Variants in RABGAP1L observed in about 807,000 individuals in gnomAD.
RABGAP1L encodes the protein rab GTPase-activating protein 1-like.
A neutral mutation model predicts 137.7 loss-of-function variants in RABGAP1L; 63 were observed. The ratio of observed to expected loss-of-function variants is 0.46; its 90% CI spans 0.37 to 0.56. RABGAP1L has a LOEUF of 0.56. Among genes scored for constraint, RABGAP1L ranks in the 20% least tolerant of loss-of-function variants. The probability of loss-of-function intolerance (pLI) is 0.00; values close to 1 mark genes in which losing one functional copy is unlikely to be tolerated. For missense variants in RABGAP1L, 1,095 were observed against 1,244.0 expected (o/e 0.88, Z 1.80); for synonymous variants, 431 against 433.7 (o/e 0.99, Z 0.08).
chr1:174,770,600 A>G (rs868160231), intron 18 of RABGAP1L, among the ~76,000 whole-genome samples: 2 of 152,230 alleles, frequency 1.3e-5, no homozygotes, highest in African/African-American at 4.8e-5. Context: ...ACAGAGAACA[A>G]ACAGAACAAA....
chr1:174,707,535 G>T (rs1680147447), intron 17 of RABGAP1L, among the ~76,000 whole-genome samples: 1 of 152,174 alleles, frequency 6.6e-6, no homozygotes, highest in South Asian at 2.1e-4. Flanking sequence ...TTCCTAGACA[G>T]CCTTGTTCAA....
intron 14 of RABGAP1L, among the ~76,000 whole-genome samples, chr1:174,677,160 A>AAAAAAAAAAAAAG (rs1343043853): frequency 3.9e-5 from 2 of 50,900 alleles, no homozygotes; most frequent in African/African-American, 4.3e-4. Context: ...CATCTCTACC[A>AAAAAAAAAAAAAG]AAAAAAAAAA....
In RABGAP1L at chr1:174,534,132, C is replaced by CTGTGTGTG. The variant is rs35255973; in HGVS notation, c.1711-103199_1711-103192dup. Among the ~76,000 whole-genome samples the CTGTGTGTG allele has an allele frequency of 4.4e-3, 584 of 132,604 alleles. 3 individuals are homozygous for CTGTGTGTG. Among genetic ancestry groups the CTGTGTGTG allele is most frequent in the East Asian group, 0.01 (46 of 4,406 alleles). The allele number at this position is 132,604 out of a possible 152,430, so 87.0% of individuals were successfully genotyped here. ...CTCCTGCATTGTTCAGAGGTCAACT[C>CTGTGTGTG]TGTGTGTGTGTGTGTGTGTGTGTGT... On this transcript the variant is annotated intron_variant, in intron 13 of 25. Transcript: ENST00000681986.
chr1:174,330,717 A>G (rs904240929), intron 11 of RABGAP1L, among the ~76,000 whole-genome samples: 7 of 152,222 alleles, frequency 4.6e-5, no homozygotes, highest in Admixed American at 1.3e-4. Flanking sequence ...AAGATATATC[A>G]TGTTCATGGA....
intron 18 of RABGAP1L, among the ~76,000 whole-genome samples, chr1:174,797,799 C>A (rs1461165525): frequency 6.6e-6 from 1 of 151,850 alleles, no homozygotes; most frequent in African/African-American, 2.4e-5. Flanking sequence ...TATGGCCTCC[C>A]TCTTCCAGCT....
intron 13 of RABGAP1L, among the ~76,000 whole-genome samples, chr1:174,473,303 G>A (rs1571961121): frequency 6.6e-6 from 1 of 152,316 alleles, no homozygotes; most frequent in South Asian, 2.1e-4. Flanking sequence ...CCTTGCTGGT[G>A]TGCAGAATTC....
At chr1:174,662,269 A>G (rs1676442287) in intron 14 of RABGAP1L, among the ~76,000 whole-genome samples, 1 of 151,748 alleles carries the variant, frequency 6.6e-6, no homozygotes, top group East Asian at 1.9e-4. Flanking sequence ...ACGCCCAACT[A>G]ATTTTTGTAT....
At position 174,221,067 on chromosome 1, in the gene RABGAP1L, A is replaced by G. The variant is rs17854182; in HGVS notation, c.234A>G (p.Gln78=). Residue 78 remains glutamine (Q), a synonymous_variant, in exon 3 of 26, where the codon CAA becomes CAG. Coordinates refer to ENST00000681986, the MANE Select transcript of RABGAP1L (RefSeq NM_001366446.1). ...KRPSSLLVDC[Q]SSSEISDHSF... is the part of the protein sequence containing the mutation. ...CAAGCAGTCTTCTTGTTGATTGTCA[A>G]AGTTCCAGTGAGATTTCAGACCATT... The G allele has an allele frequency of 1.7e-3, 2,709 of 1,613,930 alleles. 4 individuals carry two copies. The highest frequency in any genetic ancestry group is 2.1e-3 in the Non-Finnish European group (2,441 of 1,179,914).
chr1:174,720,213 T>A (rs1013457095), intron 17 of RABGAP1L, among the ~76,000 whole-genome samples: 1 of 151,870 alleles, frequency 6.6e-6, no homozygotes, highest in African/African-American at 2.4e-5. Context: ...TCAACAAATG[T>A]TGCTGAGGTA....
chr1:174,197,821 G>A (rs1558024121), intron 1 of RABGAP1L, among the ~76,000 whole-genome samples: 1 of 151,888 alleles, frequency 6.6e-6, no homozygotes, highest in African/African-American at 2.4e-5. Context: ...ATCTGTTATG[G>A]TGTGTGTTAT....
chr1:174,338,741 A>G (rs1456586671), intron 11 of RABGAP1L, among the ~76,000 whole-genome samples: 2 of 152,088 alleles, frequency 1.3e-5, no homozygotes, highest in East Asian at 3.8e-4. Context: ...GGAAAAGTGT[A>G]ATATTGTACA....
intron 11 of RABGAP1L, among the ~76,000 whole-genome samples, chr1:174,368,659 T>C (rs1684848621): frequency 6.6e-6 from 1 of 152,042 alleles, no homozygotes; most frequent in South Asian, 2.1e-4. Flanking sequence ...TTCTATTGAT[T>C]AGTAAGATTG....
chr1:174,571,005 T>C (rs1667935036), intron 13 of RABGAP1L, among the ~76,000 whole-genome samples: 1 of 152,152 alleles, frequency 6.6e-6, no homozygotes, highest in Admixed American at 6.5e-5. Context: ...ATAGCTAAGA[T>C]TTAGAAGCAA....
chr1:174,305,749 A>G (rs1376963619), intron 11 of RABGAP1L, among the ~76,000 whole-genome samples: 2 of 149,244 alleles, frequency 1.3e-5, no homozygotes, highest in African/African-American at 2.5e-5. Context: ...TATTTTTTCT[A>G]TTTTATTCTT....
At chr1:174,673,526 G>A (rs994311444) in intron 14 of RABGAP1L, among the ~76,000 whole-genome samples, 7 of 152,064 alleles carry the variant, frequency 4.6e-5, no homozygotes, top group South Asian at 2.1e-4. Context: ...GTTGAGTAAC[G>A]AATTTGATTA....
chr1:174,623,999 A>G (rs941174375), intron 13 of RABGAP1L, among the ~76,000 whole-genome samples: 5 of 152,268 alleles, frequency 3.3e-5, no homozygotes, highest in African/African-American at 9.6e-5. Context: ...TTCAGAGACT[A>G]TGACAGATGA....
At chr1:174,755,882 A>G (rs1691945419) in intron 18 of RABGAP1L, among the ~76,000 whole-genome samples, 1 of 152,204 alleles carries the variant, frequency 6.6e-6, no homozygotes, top group South Asian at 2.1e-4. Context: ...GTCACTAAAC[A>G]CATGTAAGGG....
chr1:174,769,439 T>C (rs1009586445), intron 18 of RABGAP1L, among the ~76,000 whole-genome samples: 47 of 152,022 alleles, frequency 3.1e-4, no homozygotes, highest in African/African-American at 1.1e-3. Context: ...ACAGGAGTAA[T>C]TGGGAAAGTT....
At chr1:174,955,451 A>G (rs1180311206) in intron 19 of RABGAP1L, among the ~76,000 whole-genome samples, 1 of 152,234 alleles carries the variant, frequency 6.6e-6, no homozygotes, top group Non-Finnish European at 1.5e-5. Context: ...TTTGTTTTTT[A>G]TGTAACAAAT....
Sources: gnomAD v4.1 joint callset for allele counts (sites outside exome capture counted in the v4.1 genomes callset) on GRCh38, gnomAD v4.1.1 for gene constraint, MANE v1.5 for transcripts, NCBI Gene and HGNC (gene_info 2026-07-23, HGNC 2026-07-21) for gene names.